RXFP1: variants seen among roughly 807,000 people sequenced by gnomAD.
RXFP1 encodes relaxin family peptide receptor 1, also known as relaxin receptor 1.
A neutral mutation model predicts 89.8 loss-of-function variants in RXFP1; 73 were observed. The observed-to-expected ratio is 0.81, with a 90% confidence interval of 0.67 to 0.99. The LOEUF is 0.99. Ranked by LOEUF, RXFP1 falls within the 50% of genes least tolerant of loss-of-function variation. RXFP1 has a pLI of 0.00. For missense variants in RXFP1, 793 were observed against 895.5 expected (o/e 0.89, Z 1.46); for synonymous variants, 277 against 305.5 (o/e 0.91, Z 0.97).
At chr4:158,564,805 G>A (rs1433120980) in intron 1 of RXFP1, among the ~76,000 whole-genome samples, 1 of 152,184 alleles carries the variant, frequency 6.6e-6, no homozygotes, top group Admixed American at 6.5e-5. Context: ...ATTGATTTGT[G>A]TTATTGCACT....
At chr4:158,574,155 A>G (rs916549940) in intron 2 of RXFP1, among the ~76,000 whole-genome samples, 1 of 152,230 alleles carries the variant, frequency 6.6e-6, no homozygotes, top group African/African-American at 2.4e-5. Flanking sequence ...AACTTCGGTT[A>G]ATAATGTAAA....
intron 1 of RXFP1, among the ~76,000 whole-genome samples, chr4:158,568,678 T>C (rs985919571): frequency 6.6e-6 from 1 of 152,194 alleles, no homozygotes; most frequent in African/African-American, 2.4e-5. Flanking sequence ...GTGAGAACAT[T>C]ATTTGTAGCA....
chr4:158,624,346 G>T (rs1408203169), intron 9 of RXFP1, among the ~76,000 whole-genome samples: 1 of 152,136 alleles, frequency 6.6e-6, no homozygotes, highest in East Asian at 1.9e-4. Flanking sequence ...GTAAAAGGTA[G>T]AGGAGGAAGC....
At chr4:158,604,898 T>C (rs1009855131) in intron 4 of RXFP1, among the ~76,000 whole-genome samples, 170 bp from the exon 5 acceptor site, 1 of 152,156 alleles carries the variant, frequency 6.6e-6, no homozygotes, top group African/African-American at 2.4e-5. Context: ...AGTGCAAAAC[T>C]AACAGCTAGA....
chr4:158,595,290 A>C (rs1481848649), intron 3 of RXFP1, among the ~76,000 whole-genome samples: 1 of 152,240 alleles, frequency 6.6e-6, no homozygotes, highest in East Asian at 1.9e-4. Context: ...ATGAATGAGC[A>C]ATCAATGGCT....
At chr4:158,591,470 G>A (rs542832892) in intron 2 of RXFP1, among the ~76,000 whole-genome samples, 1 of 151,932 alleles carries the variant, frequency 6.6e-6, no homozygotes, top group South Asian at 2.1e-4. Context: ...CCATACAGAA[G>A]TCTGCAGTGG....
At position 158,622,898 on chromosome 4, in the gene RXFP1, G is replaced by C. The variant is rs566672650; in HGVS notation, c.756-3922G>C. On this transcript the variant is annotated intron_variant, in intron 9 of 17. Coordinates refer to ENST00000307765, the MANE Select transcript of RXFP1 (RefSeq NM_021634.4). ...ATTAACTATGTAAGGTGATGGGTATGTTAATTTGCTTGGTTGTAGTAATCA... is the reference window on the plus strand; with the variant it reads ...ATTAACTATGTAAGGTGATGGGTATCTTAATTTGCTTGGTTGTAGTAATCA... Among the ~76,000 whole-genome samples, 20 of 152,300 alleles carry C rather than the reference G, an allele frequency of 1.3e-4. No individual in the cohort carries two copies. In the South Asian group the frequency reaches 3.7e-3, roughly 28 times the overall value.
chr4:158,651,057 A>G (rs1772613328), intron 17 of RXFP1, among the ~76,000 whole-genome samples: 1 of 152,162 alleles, frequency 6.6e-6, no homozygotes, highest in African/African-American at 2.4e-5. Flanking sequence ...CCAGGAGGTC[A>G]AGACTGCAGT....
intron 8 of RXFP1, among the ~76,000 whole-genome samples, chr4:158,615,005 A>C (rs1400087535): frequency 6.6e-6 from 1 of 152,138 alleles, no homozygotes; most frequent in African/African-American, 2.4e-5. Flanking sequence ...GCTGTCATTC[A>C]GACTTTGTTG....
chr4:158,526,082 C>T (rs768261353), intron 1 of RXFP1, among the ~76,000 whole-genome samples: 33 of 152,262 alleles, frequency 2.2e-4, no homozygotes, highest in Non-Finnish European at 8.8e-5. Context: ...CCACCACCTA[C>T]GGTGAGGGCC....
chr4:158,577,797 T>C (rs558741787), intron 2 of RXFP1, among the ~76,000 whole-genome samples: 1 of 152,304 alleles, frequency 6.6e-6, no homozygotes, highest in Non-Finnish European at 1.5e-5. Context: ...ACTAATTATA[T>C]TTAGAAAGAA....
intron 9 of RXFP1, among the ~76,000 whole-genome samples, chr4:158,622,474 TC>T (rs1765805384): frequency 6.6e-6 from 1 of 152,184 alleles, no homozygotes; most frequent in Non-Finnish European, 1.5e-5. Context: ...AACCTTAGTG[TC>T]CAATGACAGT....
chr4:158,642,985 C>T (rs1046252451), intron 14 of RXFP1, among the ~76,000 whole-genome samples: 2 of 152,164 alleles, frequency 1.3e-5, no homozygotes, highest in African/African-American at 4.8e-5. Context: ...CAAAAGATTG[C>T]TTGGACCAGG....
At chr4:158,641,811 C>T (rs1171075860) in intron 14 of RXFP1, among the ~76,000 whole-genome samples, 1 of 152,204 alleles carries the variant, frequency 6.6e-6, no homozygotes, top group East Asian at 1.9e-4. Flanking sequence ...TAACTTGCCT[C>T]CACTGAAGAT....
intron 8 of RXFP1, among the ~76,000 whole-genome samples, chr4:158,616,836 T>A (rs1001424135): frequency 1.3e-5 from 2 of 151,584 alleles, no homozygotes; most frequent in Non-Finnish European, 2.9e-5. Flanking sequence ...CCGCCTCTAC[T>A]AAAAATACAA....
chr4:158,602,069 ACAAT>A (rs1164556059), intron 4 of RXFP1, among the ~76,000 whole-genome samples: 1 of 152,224 alleles, frequency 6.6e-6, no homozygotes, highest in Non-Finnish European at 1.5e-5. Context: ...GACTCTGTGA[ACAAT>A]CAAAGTTGGA....
At chr4:158,627,504 G>GGGGTGT (rs1165448985) in intron 10 of RXFP1, among the ~76,000 whole-genome samples, 9 of 143,450 alleles carry the variant, frequency 6.3e-5, no homozygotes, top group African/African-American at 2.1e-4. Context: ...TGAGCCTTAG[G>GGGGTGT]GTGTGTGTGT....
At chr4:158,621,981 C>T (rs971933175) in intron 9 of RXFP1, among the ~76,000 whole-genome samples, 8 of 152,146 alleles carry the variant, frequency 5.3e-5, no homozygotes, top group Admixed American at 3.9e-4. Flanking sequence ...TAAATTAGTA[C>T]AGCTATTATG....
intron 1 of RXFP1, among the ~76,000 whole-genome samples, chr4:158,532,114 CTT>C (rs1346337299): frequency 6.6e-6 from 1 of 151,966 alleles, no homozygotes; most frequent in Non-Finnish European, 1.5e-5. Flanking sequence ...CCCAGTGTCT[CTT>C]GTCCCCATCC....
Sources: gnomAD v4.1 joint callset for allele counts (sites outside exome capture counted in the v4.1 genomes callset) on GRCh38, gnomAD v4.1.1 for gene constraint, MANE v1.5 for transcripts, NCBI Gene and HGNC (gene_info 2026-07-23, HGNC 2026-07-21) for gene names.